CHRNA6: variants seen among roughly 807,000 people sequenced by gnomAD.
The protein encoded by CHRNA6 is neuronal acetylcholine receptor subunit alpha-6.
CHRNA6 carries 31 observed loss-of-function variants against 40.9 expected under a neutral mutation model. The observed-to-expected ratio is 0.76, with a 90% CI of 0.57 to 1.02. The LOEUF is 1.02. Among genes scored for constraint, CHRNA6 ranks in the 50% least tolerant of loss-of-function variants. CHRNA6 has a pLI of 0.00. For synonymous variants in CHRNA6, 222 were observed against 221.3 expected (o/e 1.00, Z -0.03); for missense variants, 546 against 596.6 (o/e 0.92, Z 0.88).
In CHRNA6 at chr8:42,756,312, G is replaced by A. The variant is rs753856041; in HGVS notation, c.887C>T (p.Thr296Ile). The A allele has an allele frequency of 5.0e-6, 8 of 1,614,142 alleles. No individual in the cohort carries two copies. The highest frequency in any genetic ancestry group is 6.8e-6 in the Non-Finnish European group (8 of 1,180,054). The change falls in exon 5 of 6, where the codon ACA becomes ATA. Residue 296 changes from threonine (T) to isoleucine (I), a missense_variant. By Grantham distance (89) the Thr-to-Ile change is moderately conservative (BLOSUM62 -1). This residue lies in a region of CHRNA6 where 476 missense variants were observed against 494.5 expected (regional missense o/e 0.96). Transcript: ENST00000276410. ...LLVITETIPSTSLVVPLVGEY... is the reference protein window; with the variant it reads ...LLVITETIPSISLVVPLVGEY... ...ACCCACCAGTGGGACCACCAGAGAT[G>A]TGGATGGGATGGTTTCTGTGATGAC...
At chr8:42,766,700 G>C (rs1816981049) in intron 1 of CHRNA6, among the ~76,000 whole-genome samples, 1 of 152,112 alleles carries the variant, frequency 6.6e-6, no homozygotes, top group Non-Finnish European at 1.5e-5. Flanking sequence ...AGGACACATG[G>C]ACACAGGGAG....
intron 2 of CHRNA6, chr8:42,759,324 T>G (rs763802298): frequency 5.5e-6 from 3 of 546,986 alleles, no homozygotes; most frequent in African/African-American, 1.9e-5. Flanking sequence ...AGAGGCAATG[T>G]GGCTTTAAAC....
At chr8:42,763,677 T>C (rs570460011) in intron 2 of CHRNA6, among the ~76,000 whole-genome samples, 2 of 151,624 alleles carry the variant, frequency 1.3e-5, no homozygotes, top group South Asian at 4.2e-4. Context: ...GCTACTGGAG[T>C]TGGGAAGGGG....
chr8:42,761,372 C>T (rs1294513702), intron 2 of CHRNA6, among the ~76,000 whole-genome samples: 1 of 152,210 alleles, frequency 6.6e-6, no homozygotes, highest in East Asian at 1.9e-4. Flanking sequence ...CAGCAGGGGC[C>T]ATGTCCATAA....
At chr8:42,753,490 A>G (rs908731837) in intron 5 of CHRNA6, among the ~76,000 whole-genome samples, 180 bp from the exon 6 acceptor site, 13 of 152,134 alleles carry the variant, frequency 8.5e-5, no homozygotes, top group Admixed American at 8.5e-4. Context: ...CCTGGGCAAC[A>G]TGGTGAAACC....
At position 42,768,551 on chromosome 8, in the gene CHRNA6, T is replaced by A; in HGVS notation, c.-121A>T. 1.5e-6 allele frequency: 1 copy of A among 678,022 alleles called. No homozygotes were observed. The allele number at this position is 678,022 out of a possible 1,614,324, so 42.0% of individuals were successfully genotyped here. A position where few individuals can be genotyped will look rare whatever the true frequency, so the allele number is the denominator to read the frequency against. Reference sequence around the variant, plus strand: ...AGAAGCCCACTGCAATCCGTGTGTGTCTTCTCAGAAATCAAAACATCCCCG... The same window carrying A: ...AGAAGCCCACTGCAATCCGTGTGTGACTTCTCAGAAATCAAAACATCCCCG... On this transcript the variant is annotated 5_prime_UTR_variant, in exon 1 of 6. Transcript: ENST00000276410.
At chr8:42,764,148 G>C (rs765648076) in intron 2 of CHRNA6, among the ~76,000 whole-genome samples, 2 of 152,096 alleles carry the variant, frequency 1.3e-5, no homozygotes, top group African/African-American at 4.8e-5. Flanking sequence ...CCAAGAGTAC[G>C]GGCCTCGCCA....
intron 1 of CHRNA6, 152 bp from the exon 2 acceptor site, chr8:42,765,356 G>A: frequency 2.6e-6 from 2 of 762,540 alleles, no homozygotes; most frequent in Admixed American, 5.3e-5. Context: ...TGCTCCACCA[G>A]TGCCCATCTC....
intron 2 of CHRNA6, among the ~76,000 whole-genome samples, chr8:42,761,741 A>G (rs538347628): frequency 2.2e-4 from 34 of 152,336 alleles, no homozygotes; most frequent in African/African-American, 7.7e-4. Context: ...GGAGGAGTCC[A>G]AAGACCCACA....
At position 42,768,660 on chromosome 8, in the gene CHRNA6, A is replaced by G; in HGVS notation, c.-230T>C. ...AAAAGATTCGATCTGATGTCAGATG[A>G]GTCATCACATTTCCTGACAGCCTAG... is the stretch of plus-strand genomic sequence containing the variant. On this transcript the variant is annotated 5_prime_UTR_variant, in exon 1 of 6. Coordinates refer to ENST00000276410, the MANE Select transcript of CHRNA6 (RefSeq NM_004198.3). 2.2e-6 allele frequency: 1 copy of G among 448,832 alleles called. No individual in the cohort carries two copies. 27.8% of individuals were successfully genotyped at this position (448,832 alleles called of 1,614,324 possible).
At chr8:42,760,315 C>T (rs945220932) in intron 2 of CHRNA6, among the ~76,000 whole-genome samples, 4 of 139,592 alleles carry the variant, frequency 2.9e-5, no homozygotes, top group South Asian at 2.2e-4. Flanking sequence ...CTCATACACA[C>T]TCATGCACAC....
chr8:42,763,408 G>A (rs1816932282), intron 2 of CHRNA6, among the ~76,000 whole-genome samples: 1 of 152,160 alleles, frequency 6.6e-6, no homozygotes, highest in African/African-American at 2.4e-5. Flanking sequence ...AACTTGTTTT[G>A]TAAAGGCTGT....
At chr8:42,760,286 C>T (rs1449224457) in intron 2 of CHRNA6, among the ~76,000 whole-genome samples, 1 of 151,664 alleles carries the variant, frequency 6.6e-6, no homozygotes, top group Non-Finnish European at 1.5e-5. Flanking sequence ...TTCATACACA[C>T]ATGCATATAC....
intron 5 of CHRNA6, among the ~76,000 whole-genome samples, chr8:42,754,201 A>G (rs575101435): frequency 1.1e-4 from 16 of 152,152 alleles, no homozygotes; most frequent in African/African-American, 3.9e-4. Context: ...AATGTTAGGG[A>G]CAGGATTTTG....
chr8:42,753,243 A>G lies in CHRNA6; in HGVS notation c.1421T>C (p.Val474Ala). The G allele has an allele frequency of 5.6e-6, 9 of 1,612,172 alleles. No homozygotes were observed. Among genetic ancestry groups the G allele is most frequent in the Non-Finnish European group, 6.8e-6 (8 of 1,178,804 alleles). Residue 474 changes from valine (V) to alanine (A), a missense_variant, in exon 6 of 6, where the codon GTC becomes GCC. Physicochemically the swap from Val to Ala is moderately conservative, Grantham distance 64. This residue lies in a region of CHRNA6 where 65 missense variants were observed against 83.8 expected (regional missense o/e 0.78). Coordinates refer to ENST00000276410, the MANE Select transcript of CHRNA6 (RefSeq NM_004198.3). ...TAGCCCTGCAGTTCCAAATACACAG[A>G]CAATTATAAATACCCAAAGAAATAC... is the stretch of plus-strand genomic sequence containing the variant. ...DRVFLWVFII[V>A]CVFGTAGLFL...
At chr8:42,765,283 G>A in intron 1 of CHRNA6, 79 bp from the exon 2 acceptor site, 2 of 1,502,618 alleles carry the variant, frequency 1.3e-6, no homozygotes, top group Non-Finnish European at 1.8e-6. Context: ...ATTCTTCCCG[G>A]GCCCTGTGGG....
intron 2 of CHRNA6, among the ~76,000 whole-genome samples, chr8:42,764,570 G>A (rs1309767005): frequency 1.3e-5 from 2 of 152,108 alleles, no homozygotes; most frequent in South Asian, 2.1e-4. Context: ...CAAGGGATCC[G>A]CCTGCTTCAG....
chr8:42,756,400 C>A lies in CHRNA6; in HGVS notation c.799G>T (p.Asp267Tyr), dbSNP rs774973747. ...CAAAGCGTCACTTTTTCACCACAGTCCGAAGGAAGGTAAAAGACCAACACG... is the reference window on the plus strand; with the variant it reads ...CAAAGCGTCACTTTTTCACCACAGTACGAAGGAAGGTAAAAGACCAACACG... Reference protein sequence around the residue: ...LTVLVFYLPSDCGEKVTLCIS... With the variant: ...LTVLVFYLPSYCGEKVTLCIS... Residue 267 changes from aspartate (D) to tyrosine (Y), a missense_variant, in exon 5 of 6, where the codon GAC becomes TAC. Physicochemically the swap from Asp to Tyr is radical, Grantham distance 160 (BLOSUM62 -3). This residue lies in a region of CHRNA6 where 476 missense variants were observed against 494.5 expected (regional missense o/e 0.96). Coordinates refer to ENST00000276410, the MANE Select transcript of CHRNA6 (RefSeq NM_004198.3). 6.2e-6 allele frequency: 10 copies of A among 1,613,958 alleles called. No individual in the cohort carries two copies. The highest frequency in any genetic ancestry group is 8.5e-6 in the Non-Finnish European group (10 of 1,180,012).
chr8:42,758,966 ATAATATT>A, intron 3 of CHRNA6, 96 bp downstream of exon 3: 1 of 918,052 alleles, frequency 1.1e-6, no homozygotes, highest in East Asian at 2.4e-5. Context: ...GACCTAGTGG[ATAATATT>A]TTATATTCTA....
Sources: allele counts gnomAD v4.1 joint callset (sites outside exome capture counted in the v4.1 genomes callset), GRCh38; gene constraint gnomAD v4.1.1; regional missense constraint gnomAD v4.1.1; transcripts MANE v1.5; gene names NCBI Gene and HGNC (gene_info 2026-07-23, HGNC 2026-07-21).